Variants in GPC3 observed in about 807,000 individuals in gnomAD.
The protein encoded by GPC3 is glypican-3.
In GPC3, 3 loss-of-function variants were observed where a neutral mutation model predicts 34.4. That is an observed-to-expected ratio of 0.09 (90% CI 0.04 to 0.23). The LOEUF (loss-of-function observed/expected upper bound fraction) is 0.23. Among genes scored for constraint, GPC3 ranks in the 10% least tolerant of loss-of-function variants. GPC3 has a pLI of 1.00. For missense variants in GPC3, 351 were observed against 445.6 expected, an observed-to-expected ratio of 0.79 and a Z score of 1.91; for synonymous variants, 177 against 174.0, an observed-to-expected ratio of 1.02 and a Z score of -0.13.
intron 5 of GPC3, among the ~76,000 whole-genome samples, chrX:133,684,091 G>A (rs999473978): frequency 5.3e-5 from 6 of 112,226 alleles, no homozygotes; most frequent in Admixed American, 1.9e-4. Context: ...TCTAAGGCAA[G>A]GTAGAATATG....
chrX:133,578,831 TG>T (rs1329424830), intron 7 of GPC3, among the ~76,000 whole-genome samples: 1 of 110,952 alleles, frequency 9.0e-6, no homozygotes, highest in African/African-American at 3.3e-5. Context: ...ATGTCACATC[TG>T]GGCTCAGTGG....
At chrX:133,942,520 T>G (rs1429199033) in intron 2 of GPC3, among the ~76,000 whole-genome samples, 1 of 111,986 alleles carries the variant, frequency 8.9e-6, no homozygotes, top group African/African-American at 3.2e-5. Context: ...GAAAAAGCAG[T>G]ATAGTCAATT....
chrX:133,575,594 C>A (rs1272806905), intron 7 of GPC3, among the ~76,000 whole-genome samples: 2 of 111,822 alleles, frequency 1.8e-5, no homozygotes, highest in Non-Finnish European at 3.8e-5. Context: ...GGGCCTCTAG[C>A]CTGGCTGCTT....
intron 2 of GPC3, among the ~76,000 whole-genome samples, chrX:133,818,951 G>T (rs1603253598): frequency 9.1e-6 from 1 of 109,832 alleles, no homozygotes; most frequent in African/African-American, 3.3e-5. Flanking sequence ...ATCCTAGACT[G>T]GAGACCCTTT....
intron 7 of GPC3, among the ~76,000 whole-genome samples, chrX:133,590,338 G>A (rs949793894): frequency 1.8e-5 from 2 of 111,192 alleles, no homozygotes; most frequent in African/African-American, 3.3e-5. Flanking sequence ...ACTAGGACAC[G>A]CACCAAAAGG....
intron 6 of GPC3, among the ~76,000 whole-genome samples, chrX:133,600,261 A>G (rs1464752640): frequency 8.9e-6 from 1 of 111,939 alleles, no homozygotes; most frequent in African/African-American, 3.2e-5. Context: ...ATGAAAAAGG[A>G]GAAAGTCAAG....
chrX:133,715,043 T>A (rs1347610284), intron 3 of GPC3, among the ~76,000 whole-genome samples: 2 of 111,487 alleles, frequency 1.8e-5, no homozygotes, highest in African/African-American at 6.5e-5. Context: ...CCAAAGGAGA[T>A]TAACGTTTCA....
intron 2 of GPC3, among the ~76,000 whole-genome samples, chrX:133,793,753 C>T (rs1007875935): frequency 3.6e-5 from 4 of 112,098 alleles, no homozygotes; most frequent in Non-Finnish European, 7.5e-5. Context: ...CTTCTATAAA[C>T]CTGCATAGCC....
chrX:133,592,805 A>G (rs1291119918), intron 7 of GPC3, among the ~76,000 whole-genome samples: 1 of 111,765 alleles, frequency 8.9e-6, no homozygotes, highest in African/African-American at 3.3e-5. Flanking sequence ...ATAGTCCTAT[A>G]AAGTTGGGGT....
intron 2 of GPC3, among the ~76,000 whole-genome samples, chrX:133,826,803 C>G (rs941121687): frequency 9.0e-6 from 1 of 111,617 alleles, no homozygotes; most frequent in Non-Finnish European, 1.9e-5. Context: ...CAAGAAAGAA[C>G]TGATCCATGC....
intron 2 of GPC3, among the ~76,000 whole-genome samples, chrX:133,904,516 G>T (rs978957238): frequency 4.5e-5 from 5 of 111,916 alleles, no homozygotes; most frequent in African/African-American, 1.6e-4. Context: ...GGAGGAGGTA[G>T]GACTTAGCTG....
intron 2 of GPC3, among the ~76,000 whole-genome samples, chrX:133,770,146 G>A (rs1005784558): frequency 1.8e-5 from 2 of 111,684 alleles, no homozygotes; most frequent in Non-Finnish European, 3.8e-5. Flanking sequence ...GGTTGGTGGC[G>A]CATGCCTGGG....
In GPC3 at chrX:133,698,082, C is replaced by T. The variant is rs544541236; in HGVS notation, c.1166+1813G>A. Among the ~76,000 whole-genome samples the T allele has an allele frequency of 1.3e-4, 15 of 112,014 alleles. No individual in the cohort carries two copies. The South Asian group carries it at 4.5e-3, about 34-fold the overall frequency. On this transcript the variant is annotated intron_variant, in intron 4 of 7. Transcript: ENST00000370818. ...AAGATGGACTATTCAACCATAGATT[C>T]GGCATTTGAACAATGGAAAAATATT...
At chrX:133,541,727 T>C (rs935339308) in intron 7 of GPC3, among the ~76,000 whole-genome samples, 1 of 111,734 alleles carries the variant, frequency 8.9e-6, no homozygotes, top group East Asian at 2.8e-4. Context: ...AAGCAATAAA[T>C]AGAGAGCCCT....
intron 2 of GPC3, among the ~76,000 whole-genome samples, chrX:133,786,190 C>T (rs891529881): frequency 1.8e-5 from 2 of 111,835 alleles, no homozygotes; most frequent in African/African-American, 6.5e-5. Flanking sequence ...GTCAGGAGTT[C>T]GAGACCAGCC....
chrX:133,821,221 T>C (rs2075717314), intron 2 of GPC3, among the ~76,000 whole-genome samples: 1 of 112,342 alleles, frequency 8.9e-6, no homozygotes, highest in South Asian at 3.7e-4. Flanking sequence ...ACACTAATTA[T>C]TACAAAAGTC....
At chrX:133,626,317 G>T (rs914214865) in intron 6 of GPC3, among the ~76,000 whole-genome samples, 4 of 111,652 alleles carry the variant, frequency 3.6e-5, no homozygotes, top group African/African-American at 1.3e-4. Flanking sequence ...TGACAAATGG[G>T]ATGTAATTAA....
chrX:133,746,397 T>G (rs2071611793), intron 3 of GPC3, among the ~76,000 whole-genome samples: 1 of 112,330 alleles, frequency 8.9e-6, no homozygotes, highest in Non-Finnish European at 1.9e-5. Flanking sequence ...CCATCTAATT[T>G]CTTAATATGA....
intron 2 of GPC3, among the ~76,000 whole-genome samples, chrX:133,845,094 GACAA>G (rs2075842134): frequency 8.9e-6 from 1 of 111,754 alleles, no homozygotes; most frequent in East Asian, 2.8e-4. Flanking sequence ...TCCAAGTTTA[GACAA>G]ACAACTTTCT....
Sources: gnomAD v4.1 joint callset for allele counts (sites outside exome capture counted in the v4.1 genomes callset) on GRCh38, gnomAD v4.1.1 for gene constraint, MANE v1.5 for transcripts, NCBI Gene and HGNC (gene_info 2026-07-23, HGNC 2026-07-21) for gene names.